Variants in SEMA6D observed in about 807,000 individuals in gnomAD.
SEMA6D encodes the protein semaphorin 6D.
In SEMA6D, 35 loss-of-function variants were observed where a neutral mutation model predicts 106.6. The ratio of observed to expected loss-of-function variants is 0.33; its 90% CI spans 0.25 to 0.44. The LOEUF is 0.44. SEMA6D is among the 20% of genes least tolerant of loss of function. The pLI is 1.00. For synonymous variants in SEMA6D, 499 were observed against 487.7 expected (o/e 1.02, Z -0.31); for missense variants, 1,185 against 1,345.9 (o/e 0.88, Z 1.87).
chr15:47,550,723 T>G (rs2045660793), intron 3 of SEMA6D, among the ~76,000 whole-genome samples: 1 of 152,122 alleles, frequency 6.6e-6, no homozygotes, highest in Admixed American at 6.6e-5. Flanking sequence ...GCTCAAGTAA[T>G]CCTCAGAGCT....
chr15:47,480,943 C>G (rs992000772), intron 3 of SEMA6D, among the ~76,000 whole-genome samples: 2 of 151,742 alleles, frequency 1.3e-5, no homozygotes, highest in African/African-American at 4.9e-5. Flanking sequence ...GTTATGTGCA[C>G]CTTTGTGTTT....
At chr15:47,354,618 T>A (rs12898507) in intron 1 of SEMA6D, among the ~76,000 whole-genome samples, 2 of 151,760 alleles carry the variant, frequency 1.3e-5, no homozygotes, top group Admixed American at 1.3e-4. Context: ...TGTACATATA[T>A]ACACACATAT....
chr15:47,410,267 G>A (rs2040744860), intron 1 of SEMA6D, among the ~76,000 whole-genome samples: 1 of 152,140 alleles, frequency 6.6e-6, no homozygotes, highest in South Asian at 2.1e-4. Flanking sequence ...ACAGGCAGGA[G>A]CCACTGCACC....
chr15:47,605,257 A>G (rs575403840), intron 4 of SEMA6D: 13 of 152,084 alleles, frequency 8.5e-5, no homozygotes, highest in Non-Finnish European at 1.3e-4. Flanking sequence ...CTCATTATCT[A>G]TTACTAGGAG....
At chr15:47,764,421 TCAGA>T (rs2082227582) in intron 11 of SEMA6D, 116 bp downstream of exon 11, 1 of 1,345,426 alleles carries the variant, frequency 7.4e-7, no homozygotes, top group Admixed American at 2.5e-5. Flanking sequence ...GGTCCCTCTC[TCAGA>T]CAGAGCCAGC....
At chr15:47,444,899 C>A (rs756907956) in intron 2 of SEMA6D, among the ~76,000 whole-genome samples, 1 of 152,066 alleles carries the variant, frequency 6.6e-6, no homozygotes, top group Non-Finnish European at 1.5e-5. Flanking sequence ...CCTTGTCCAG[C>A]GTCCAGGAAA....
intron 1 of SEMA6D, among the ~76,000 whole-genome samples, chr15:47,272,265 G>A (rs538304720): frequency 2.6e-5 from 4 of 152,180 alleles, no homozygotes; most frequent in Non-Finnish European, 4.4e-5. Context: ...TTACTACTAA[G>A]TACTAAAACT....
At chr15:47,504,747 G>A (rs1240832396) in intron 3 of SEMA6D, among the ~76,000 whole-genome samples, 1 of 152,120 alleles carries the variant, frequency 6.6e-6, no homozygotes, top group Non-Finnish European at 1.5e-5. Context: ...ATGTGAGCAT[G>A]CAAGTGTGTC....
chr15:47,428,968 G>A (rs567460760), intron 2 of SEMA6D, among the ~76,000 whole-genome samples: 128 of 151,574 alleles, frequency 8.4e-4, no homozygotes, highest in African/African-American at 3.0e-3. Flanking sequence ...AGGAAGGGCC[G>A]AAAGAAGGAG....
intron 1 of SEMA6D, among the ~76,000 whole-genome samples, chr15:47,260,926 G>A (rs1266009388): frequency 6.6e-6 from 1 of 152,130 alleles, no homozygotes; most frequent in Admixed American, 6.6e-5. Context: ...AATACTGAGG[G>A]TGGGTAGGCT....
intron 4 of SEMA6D, among the ~76,000 whole-genome samples, chr15:47,667,391 AGGCTTCCT>A (rs2078048650): frequency 6.6e-6 from 1 of 152,172 alleles, no homozygotes. Flanking sequence ...GTCAGGTCTC[AGGCTTCCT>A]AGAGGGCTGC....
intron 4 of SEMA6D, among the ~76,000 whole-genome samples, chr15:47,617,391 T>C (rs538371117): frequency 4.6e-5 from 7 of 152,328 alleles, no homozygotes; most frequent in African/African-American, 1.7e-4. Flanking sequence ...TCTTCCATGA[T>C]GAAATTCAAC....
intron 1 of SEMA6D, among the ~76,000 whole-genome samples, chr15:47,283,837 A>G (rs577951241): frequency 6.6e-6 from 1 of 152,346 alleles, no homozygotes; most frequent in African/African-American, 2.4e-5. Context: ...CACAGACAGC[A>G]GGAGCTGCAG....
intron 4 of SEMA6D, among the ~76,000 whole-genome samples, chr15:47,640,960 A>G (rs1026863253): frequency 3.9e-5 from 6 of 152,064 alleles, no homozygotes; most frequent in African/African-American, 1.4e-4. Flanking sequence ...TCCTTCACCA[A>G]TTATTCTTTA....
intron 9 of SEMA6D, among the ~76,000 whole-genome samples, chr15:47,763,623 C>T (rs1415349970): frequency 2.0e-5 from 3 of 152,194 alleles, no homozygotes; most frequent in Non-Finnish European, 2.9e-5. Context: ...ATAGACAGCT[C>T]ACTTCTTGGG....
chr15:47,249,400 G>A (rs1335313051), intron 1 of SEMA6D, among the ~76,000 whole-genome samples: 2 of 151,812 alleles, frequency 1.3e-5, no homozygotes, highest in Non-Finnish European at 2.9e-5. Context: ...TTAGGCCCTG[G>A]GGATGCAAAA....
At chr15:47,364,331 T>C (rs2038927836) in intron 1 of SEMA6D, among the ~76,000 whole-genome samples, 1 of 152,104 alleles carries the variant, frequency 6.6e-6, no homozygotes, top group South Asian at 2.1e-4. Context: ...TCAGCTGGAT[T>C]ATATTATCGC....
chr15:47,425,587 C>G (rs1360966028), intron 2 of SEMA6D, among the ~76,000 whole-genome samples: 1 of 151,766 alleles, frequency 6.6e-6, no homozygotes, highest in Non-Finnish European at 1.5e-5. Flanking sequence ...TGGAATAATA[C>G]TGCTGTGGTT....
At position 47,282,109 on chromosome 15, in the gene SEMA6D, G is replaced by T. The variant is rs114377048; in HGVS notation, c.-239+97691G>T. Among the ~76,000 whole-genome samples, 517 of 152,184 alleles carry T rather than the reference G, an allele frequency of 3.4e-3. 3 individuals carry two copies. The highest frequency in any genetic ancestry group is 0.012 in the African/African-American group (493 of 41,512). On this transcript the variant is annotated intron_variant, in intron 1 of 19. Coordinates refer to the SEMA6D transcript ENST00000558014. ...TAGTATCCTACTCTCTAAACACAAA[G>T]AATTCATGTGTGCATATACATGTAT...
Sources: gnomAD v4.1 joint callset for allele counts (sites outside exome capture counted in the v4.1 genomes callset) on GRCh38, gnomAD v4.1.1 for gene constraint, MANE v1.5 for transcripts, NCBI Gene and HGNC (gene_info 2026-07-23, HGNC 2026-07-21) for gene names.